PCNX1: variants seen among roughly 807,000 people sequenced by gnomAD.
PCNX1 encodes pecanex 1.
In PCNX1, 78 loss-of-function variants were observed where a neutral mutation model predicts 242.2. The observed-to-expected ratio is 0.32, with a 90% CI of 0.27 to 0.39. The LOEUF is 0.39. Ranked by LOEUF, PCNX1 falls within the 10% of genes least tolerant of loss-of-function variation. PCNX1 has a pLI of 1.00. For missense variants in PCNX1, 2,581 were observed against 2,856.5 expected, an observed-to-expected ratio of 0.90 and a Z score of 2.20; for synonymous variants, 1,024 against 1,032.9, an observed-to-expected ratio of 0.99 and a Z score of 0.17.
chr14:71,057,721 A>C lies in PCNX1; in HGVS notation c.4849A>C (p.Arg1617=), dbSNP rs2061219612. The C allele has an allele frequency of 1.9e-6, 3 of 1,606,090 alleles. No homozygotes were observed. The highest frequency in any genetic ancestry group is 2.6e-6 in the Non-Finnish European group (3 of 1,172,882). Residue 1617 remains arginine, a synonymous_variant, in exon 26 of 36, where the codon AGA becomes CGA. Coordinates refer to ENST00000304743, the MANE Select transcript of PCNX1 (RefSeq NM_014982.3). The part of the protein sequence containing the change: ...VTFQLRGLEF[R]GTYCQQREVE... ...TTTTCAGCTGCGGGGACTTGAATTC[A>C]GAGGTAAGACATTCATTCACCTTTT...
intron 13 of PCNX1, among the ~76,000 whole-genome samples, chr14:71,025,302 G>C (rs2060210449): frequency 6.6e-6 from 1 of 152,124 alleles, no homozygotes; most frequent in Non-Finnish European, 1.5e-5. Flanking sequence ...GCAGCTTTCT[G>C]TGTCCTTTTG....
At chr14:70,964,055 A>G (rs2058303677) in intron 3 of PCNX1, among the ~76,000 whole-genome samples, 1 of 152,116 alleles carries the variant, frequency 6.6e-6, no homozygotes, top group Non-Finnish European at 1.5e-5. Context: ...GAGCTATGAC[A>G]TATTAATTAG....
At chr14:71,007,452 C>A (rs1401739159) in intron 8 of PCNX1, among the ~76,000 whole-genome samples, 1 of 152,014 alleles carries the variant, frequency 6.6e-6, no homozygotes, top group African/African-American at 2.4e-5. Context: ...AATACTGCAA[C>A]AATTTAAGTT....
Position 71,110,387 on chromosome 14 carries a change from G to T in PCNX1, c.*452G>T. 1 of 215,508 alleles carries T rather than the reference G, an allele frequency of 4.6e-6. No homozygotes were observed. The highest frequency in any genetic ancestry group is 9.5e-6 in the Non-Finnish European group (1 of 105,264). 13.3% of individuals were successfully genotyped at this position (215,508 alleles called of 1,614,324 possible). A position where few individuals can be genotyped will look rare whatever the true frequency, so the allele number is the denominator to read the frequency against. ...AGACCAGTGTAGAAATGTTCCTTTTGACTTATAGCAGTATAAAAGTTTAAT... is the reference window on the plus strand; with the variant it reads ...AGACCAGTGTAGAAATGTTCCTTTTTACTTATAGCAGTATAAAAGTTTAAT... On this transcript the variant is annotated 3_prime_UTR_variant, in exon 36 of 36. Transcript: ENST00000304743.
In PCNX1 at chr14:71,034,763, A is replaced by G. The variant is rs377017490; in HGVS notation, c.3774+727A>G. ...ACCTGTTCACATATTTTTTTCAGAA[A>G]CTTTAGAAATACAAAACTATATCAA... On this transcript the variant is annotated intron_variant, in intron 18 of 35. Coordinates refer to ENST00000304743, the MANE Select transcript of PCNX1 (RefSeq NM_014982.3). 5.9e-5 allele frequency among the ~76,000 whole-genome samples: 9 copies of G among 152,298 alleles called. No homozygotes were observed. In the East Asian group the frequency reaches 1.5e-3, roughly 26 times the overall value.
At chr14:70,938,383 A>G (rs558865313) in intron 1 of PCNX1, among the ~76,000 whole-genome samples, 1 of 152,308 alleles carries the variant, frequency 6.6e-6, no homozygotes, top group African/African-American at 2.4e-5. Context: ...GCATCTATTG[A>G]GATAATCGTG....
At chr14:71,090,849 G>T (rs570949840) in intron 30 of PCNX1, among the ~76,000 whole-genome samples, 1 of 152,194 alleles carries the variant, frequency 6.6e-6, no homozygotes. Context: ...CAGAATTAAA[G>T]CCTCTGATGC....
intron 7 of PCNX1, among the ~76,000 whole-genome samples, chr14:70,994,399 A>ATATGTG (rs2059270666): frequency 4.7e-4 from 12 of 25,690 alleles, no homozygotes; most frequent in African/African-American, 1.5e-3. Context: ...GGCTTAAGAT[A>ATATGTG]TATATATATA....
chr14:70,931,124 A>G (rs2056783174), intron 1 of PCNX1, among the ~76,000 whole-genome samples: 1 of 152,150 alleles, frequency 6.6e-6, no homozygotes, highest in Non-Finnish European at 1.5e-5. Context: ...CTCTCCATCC[A>G]CCAAGAATGA....
intron 18 of PCNX1, among the ~76,000 whole-genome samples, chr14:71,034,299 C>A (rs1376752682): frequency 3.9e-5 from 6 of 151,936 alleles, no homozygotes; most frequent in Non-Finnish European, 8.8e-5. Context: ...ATTTCATTGG[C>A]CATAGAATTT....
chr14:71,081,487 C>T (rs2061853202), intron 28 of PCNX1, among the ~76,000 whole-genome samples: 1 of 152,166 alleles, frequency 6.6e-6, no homozygotes, highest in South Asian at 2.1e-4. Context: ...AGCTGTCAGT[C>T]CGTCTGATCC....
chr14:70,918,205 T>C (rs924780627), intron 1 of PCNX1, among the ~76,000 whole-genome samples: 2 of 152,242 alleles, frequency 1.3e-5, no homozygotes, highest in African/African-American at 4.8e-5. Context: ...TGTAATATTC[T>C]TCAAGAACTT....
chr14:70,999,919 T>C (rs2059453552), intron 8 of PCNX1, among the ~76,000 whole-genome samples: 1 of 152,312 alleles, frequency 6.6e-6, no homozygotes, highest in Middle Eastern at 3.4e-3. Flanking sequence ...CTTGTTACTA[T>C]TAACACAGAG....
chr14:71,106,260 C>T (rs1006469373), intron 33 of PCNX1, among the ~76,000 whole-genome samples: 17 of 151,254 alleles, frequency 1.1e-4, no homozygotes, highest in Middle Eastern at 3.4e-3. Flanking sequence ...CCTTGTGATC[C>T]GCCCACCTTG....
chr14:70,967,982 C>T (rs2058431294), intron 3 of PCNX1, among the ~76,000 whole-genome samples: 1 of 152,130 alleles, frequency 6.6e-6, no homozygotes, highest in African/African-American at 2.4e-5. Context: ...GATTGGGTAG[C>T]TCCACATATC....
rs1028083373 is a variant in PCNX1, at chr14:71,019,245, G to A, written c.3150+83G>A. ...ATTTTGTAGCAATTACTGAATTATA[G>A]TAAGATAATTATTTTTAGGCTTACT... On this transcript the variant is annotated intron_variant, in intron 12 of 35. Transcript: ENST00000304743. The A allele has an allele frequency of 6.7e-6, 7 of 1,050,618 alleles. No individual in the cohort carries two copies. The African/African-American group carries it at 1.1e-4, about 17-fold the overall frequency. 65.1% of individuals were successfully genotyped at this position (1,050,618 alleles called of 1,614,324 possible).
intron 1 of PCNX1, among the ~76,000 whole-genome samples, chr14:70,922,371 A>G (rs2140098353): frequency 6.6e-6 from 1 of 152,260 alleles, no homozygotes; most frequent in East Asian, 1.9e-4. Context: ...TTTAATAGGT[A>G]TTAGATGAAA....
rs756674250 is a variant in PCNX1 at position 71,088,439 on chromosome 14, G to A, written c.5438+9G>A. The A allele has an allele frequency of 3.3e-6, 5 of 1,534,352 alleles. No homozygotes were observed. Among genetic ancestry groups the A allele is most frequent in the Non-Finnish European group, 3.6e-6 (4 of 1,108,004 alleles). ...TCCCATCATATGTCCAGGTAAAGAAGGCATTTCTGTTCTGAGGAAGAGAGC... is the reference window on the plus strand; with the variant it reads ...TCCCATCATATGTCCAGGTAAAGAAAGCATTTCTGTTCTGAGGAAGAGAGC... On this transcript the variant is annotated intron_variant, in intron 29 of 35. Transcript: ENST00000304743.
At chr14:71,030,994 C>T (rs1009122406) in intron 16 of PCNX1, among the ~76,000 whole-genome samples, 99 of 152,176 alleles carry the variant, frequency 6.5e-4, no homozygotes, top group African/African-American at 1.8e-3. Context: ...AGTAACAGTT[C>T]AGAAAAAGGT....
Sources: gnomAD v4.1 joint callset for allele counts (sites outside exome capture counted in the v4.1 genomes callset) on GRCh38, gnomAD v4.1.1 for gene constraint, MANE v1.5 for transcripts, NCBI Gene and HGNC (gene_info 2026-07-23, HGNC 2026-07-21) for gene names.